Variants in KCNH8 observed in about 807,000 individuals in gnomAD.
KCNH8 encodes potassium voltage-gated channel subfamily H member 8, also known as voltage-gated delayed rectifier potassium channel KCNH8.
A neutral mutation model predicts 103.6 loss-of-function variants in KCNH8; 70 were observed. That is an observed-to-expected ratio of 0.68 (90% confidence interval 0.56 to 0.82). The LOEUF is 0.82. KCNH8 is among the 40% of genes least tolerant of loss of function. KCNH8 has a pLI of 0.00. For missense variants in KCNH8, 1,217 were observed against 1,329.9 expected (o/e 0.92, Z 1.32); for synonymous variants, 498 against 489.4 (o/e 1.02, Z -0.23).
At chr3:19,474,335 G>A (rs1034239740) in intron 11 of KCNH8, among the ~76,000 whole-genome samples, 1 of 152,164 alleles carries the variant, frequency 6.6e-6, no homozygotes, top group Non-Finnish European at 1.5e-5. Context: ...AGCACAGACT[G>A]TGCTCAGCAG....
At chr3:19,510,426 A>G in intron 12 of KCNH8, 25 bp downstream of exon 12, 4 of 1,414,388 alleles carry the variant, frequency 2.8e-6, no homozygotes, top group Non-Finnish European at 4.0e-6. Context: ...ACACAGCAAA[A>G]TATTTATCTA....
Position 19,247,461 on chromosome 3 carries a change from G to A in KCNH8, c.77-6193G>A, listed in dbSNP as rs775309445. 1.2e-4 allele frequency among the ~76,000 whole-genome samples: 19 copies of A among 152,254 alleles called. 1 individual carries two copies. The highest frequency in any genetic ancestry group is 4.1e-4 in the African/African-American group (17 of 41,546). On this transcript the variant is annotated intron_variant, in intron 1 of 15. Coordinates refer to ENST00000328405, the MANE Select transcript of KCNH8 (RefSeq NM_144633.3). The stretch of plus-strand genomic sequence containing the variant: ...GTTCAATATCACAAGGGATACAAAC[G>A]TTGTCTTTGTTGAACCTGCATGTAA...
At chr3:19,341,421 A>G (rs1357217720) in intron 3 of KCNH8, among the ~76,000 whole-genome samples, 3 of 152,068 alleles carry the variant, frequency 2.0e-5, no homozygotes, top group Non-Finnish European at 4.4e-5. Context: ...TTTGCTTGAC[A>G]TTTCTGGGGA....
In KCNH8 at chr3:19,534,191, G is replaced by A. The variant is rs2069226424; in HGVS notation, c.*92G>A. 4 of 900,922 alleles carry A rather than the reference G, an allele frequency of 4.4e-6. No individual in the cohort carries two copies. Among genetic ancestry groups the A allele is most frequent in the Non-Finnish European group, 6.8e-6 (4 of 590,578 alleles). The allele number at this position is 900,922 out of a possible 1,614,324, so 55.8% of individuals were successfully genotyped here. A position where few individuals can be genotyped will look rare whatever the true frequency, so the allele number is the denominator to read the frequency against. On this transcript the variant is annotated 3_prime_UTR_variant, in exon 16 of 16. Coordinates refer to ENST00000328405, the MANE Select transcript of KCNH8 (RefSeq NM_144633.3). ...TTTGCCTCTGGTGGGCATGAAGACT[G>A]AGCAAAGCTGGGAATCCTGCAGAAA...
intron 2 of KCNH8, among the ~76,000 whole-genome samples, chr3:19,256,133 C>A (rs1454845563): frequency 6.6e-6 from 1 of 151,910 alleles, no homozygotes; most frequent in Non-Finnish European, 1.5e-5. Flanking sequence ...AGCAGCATCC[C>A]TGGCTTCTAT....
At chr3:19,508,670 C>T (rs1001588025) in intron 11 of KCNH8, among the ~76,000 whole-genome samples, 5 of 152,088 alleles carry the variant, frequency 3.3e-5, no homozygotes, top group Non-Finnish European at 5.9e-5. Flanking sequence ...GTCTCCAGGG[C>T]CAGCAGCACC....
intron 1 of KCNH8, among the ~76,000 whole-genome samples, chr3:19,228,237 T>G (rs1213445491): frequency 6.6e-6 from 1 of 152,212 alleles, no homozygotes; most frequent in Non-Finnish European, 1.5e-5. Context: ...ACAATAATTG[T>G]TTACATATTT....
At chr3:19,174,400 C>T (rs2167123) in intron 1 of KCNH8, among the ~76,000 whole-genome samples, 2,135 of 152,208 alleles carry the variant, frequency 0.014, 54 homozygotes, top group African/African-American at 0.048. Context: ...ATCATACGGA[C>T]GTCTTGACAA....
chr3:19,407,561 G>A (rs1195202177), intron 7 of KCNH8, among the ~76,000 whole-genome samples: 1 of 151,870 alleles, frequency 6.6e-6, no homozygotes, highest in East Asian at 1.9e-4. Context: ...CCATGGTCAG[G>A]CAGATATCCA....
At chr3:19,351,523 T>A (rs550145689) in intron 5 of KCNH8, among the ~76,000 whole-genome samples, 1 of 152,266 alleles carries the variant, frequency 6.6e-6, no homozygotes, top group East Asian at 1.9e-4. Context: ...CCCATCAGAC[T>A]AACAGCGGAT....
At chr3:19,251,018 T>C (rs1003481628) in intron 1 of KCNH8, among the ~76,000 whole-genome samples, 2 of 152,122 alleles carry the variant, frequency 1.3e-5, no homozygotes, top group South Asian at 4.1e-4. Flanking sequence ...CAATCCTATG[T>C]ATTTACATTT....
At chr3:19,235,064 A>G (rs555768968) in intron 1 of KCNH8, among the ~76,000 whole-genome samples, 3 of 152,182 alleles carry the variant, frequency 2.0e-5, no homozygotes, top group Admixed American at 6.5e-5. Flanking sequence ...TTTGGTTTTT[A>G]TTTAGAAGTT....
At chr3:19,521,378 A>G (rs972839213) in intron 15 of KCNH8, among the ~76,000 whole-genome samples, 3 of 151,986 alleles carry the variant, frequency 2.0e-5, no homozygotes, top group Admixed American at 6.6e-5. Context: ...TTAAATGATA[A>G]TAATAGAACC....
intron 11 of KCNH8, among the ~76,000 whole-genome samples, chr3:19,498,381 G>C (rs1168526095): frequency 1.3e-5 from 2 of 151,870 alleles, no homozygotes; most frequent in East Asian, 1.9e-4. Context: ...ATGTTTGTTT[G>C]TTTGTTTTTC....
At chr3:19,230,975 T>C (rs542698393) in intron 1 of KCNH8, among the ~76,000 whole-genome samples, 8 of 152,254 alleles carry the variant, frequency 5.3e-5, no homozygotes, top group Non-Finnish European at 1.0e-4. Context: ...TAGATATGAA[T>C]GAAAAATTTT....
chr3:19,486,711 G>A (rs747301494), intron 11 of KCNH8, among the ~76,000 whole-genome samples: 1 of 152,164 alleles, frequency 6.6e-6, no homozygotes, highest in Non-Finnish European at 1.5e-5. Flanking sequence ...CCATTTAAAA[G>A]TTACCGGTCG....
chr3:19,529,410 G>C (rs759455861), intron 15 of KCNH8, among the ~76,000 whole-genome samples: 4 of 152,134 alleles, frequency 2.6e-5, no homozygotes, highest in African/African-American at 4.8e-5. Flanking sequence ...TGTTACATAT[G>C]TACACATGTC....
At chr3:19,357,419 T>A (rs1252062484) in intron 5 of KCNH8, among the ~76,000 whole-genome samples, 2 of 151,800 alleles carry the variant, frequency 1.3e-5, no homozygotes, top group African/African-American at 2.4e-5. Context: ...TATAAAATGT[T>A]CCTATTATTG....
chr3:19,392,860 A>G (rs1463141211), intron 6 of KCNH8, among the ~76,000 whole-genome samples: 1 of 152,068 alleles, frequency 6.6e-6, no homozygotes, highest in Non-Finnish European at 1.5e-5. Context: ...ATCATTTACC[A>G]TCTGAGTAAC....
Sources: gnomAD v4.1 joint callset for allele counts (sites outside exome capture counted in the v4.1 genomes callset) on GRCh38, gnomAD v4.1.1 for gene constraint, MANE v1.5 for transcripts, NCBI Gene and HGNC (gene_info 2026-07-23, HGNC 2026-07-21) for gene names.